GRID2IP: variants seen among roughly 807,000 people sequenced by gnomAD.
GRID2IP encodes delphilin.
Under a neutral mutation model 114.3 loss-of-function variants are expected in GRID2IP, and 78 were observed. The observed-to-expected ratio is 0.68, with a 90% CI of 0.57 to 0.82. GRID2IP has a LOEUF of 0.82. Among genes scored for constraint, GRID2IP ranks in the 40% least tolerant of loss-of-function variants. The probability of loss-of-function intolerance (pLI) is 0.00; values close to 1 mark genes in which losing one functional copy is unlikely to be tolerated. For synonymous variants in GRID2IP, 809 were observed against 724.0 expected (o/e 1.12, Z -1.89); for missense variants, 1,727 against 1,678.5 (o/e 1.03, Z -0.51).
rs895843041 is a variant in GRID2IP, at chr7:6,534,154, T to C, written c.584+5564A>G. 6.6e-6 allele frequency among the ~76,000 whole-genome samples: 1 copy of C among 152,108 alleles called. No individual in the cohort carries two copies. Among genetic ancestry groups the C allele is most frequent in the Non-Finnish European group, 1.5e-5 (1 of 68,026 alleles). On this transcript the variant is annotated intron_variant, in intron 2 of 21. Coordinates refer to ENST00000457091, the MANE Select transcript of GRID2IP (RefSeq NM_001145118.2). This position sits in a 1 kb window ranked among gnomAD's most constrained non-coding sequence, Gnocchi z 4.5. ...TACCAAGCCCGTTTTACAGACAAAC[T>C]GTAGATGTCAGTGAACCTGCCTGAG...
chr7:6,503,536 G>C lies in GRID2IP; in HGVS notation c.2862C>G (p.Arg954=). 1.3e-6 allele frequency: 2 copies of C among 1,526,962 alleles called. No individual in the cohort carries two copies. The highest frequency in any genetic ancestry group is 1.7e-6 in the Non-Finnish European group (2 of 1,143,536). 94.6% of individuals were successfully genotyped at this position (1,526,962 alleles called of 1,614,324 possible). Residue 954 remains arginine (R), a synonymous_variant, in exon 16 of 22, where the codon CGC becomes CGG. Transcript: ENST00000457091. The part of the protein sequence containing the change: ...ADEEQRYQAF[R]EAPGRLSEPD... Reference sequence around the variant, plus strand: ...GCTCGCTGAGGCGGCCGGGCGCCTCGCGGAAGGCCTGGTAGCGCTGCTCCT... The same window carrying C: ...GCTCGCTGAGGCGGCCGGGCGCCTCCCGGAAGGCCTGGTAGCGCTGCTCCT...
Position 6,545,483 on chromosome 7 carries a change from C to G in GRID2IP, c.429+5525G>C, listed in dbSNP as rs1277931993. Among the ~76,000 whole-genome samples the G allele has an allele frequency of 2.0e-5, 3 of 152,120 alleles. No homozygotes were observed. In the South Asian group the frequency reaches 6.2e-4, roughly 31 times the overall value. On this transcript the variant is annotated intron_variant, in intron 1 of 21. Coordinates refer to ENST00000457091, the MANE Select transcript of GRID2IP (RefSeq NM_001145118.2). ...TGACTCTCAGACCTCGATCTTCAGC[C>G]GAGAGCTCGCTCTTGAACTCTGGAA...
At position 6,522,147 on chromosome 7, in the gene GRID2IP, C is replaced by T. The variant is rs551744392; in HGVS notation, c.920-190G>A. Among the ~76,000 whole-genome samples the T allele has an allele frequency of 9.2e-5, 14 of 152,154 alleles. No homozygotes were observed. The South Asian group carries it at 1.9e-3, about 20-fold the overall frequency. ...GGAGGATCGCTTGAGCCCAGGAGTTCGAGACCAGCTTGGGCAACATAGCGA... is the reference window on the plus strand; with the variant it reads ...GGAGGATCGCTTGAGCCCAGGAGTTTGAGACCAGCTTGGGCAACATAGCGA... On this transcript the variant is annotated intron_variant, in intron 4 of 21. Coordinates refer to ENST00000457091, the MANE Select transcript of GRID2IP (RefSeq NM_001145118.2).
rs1184566635 is a variant in GRID2IP, at chr7:6,509,468, T to C, written c.1772-155A>G. On this transcript the variant is annotated intron_variant, in intron 11 of 21. Transcript: ENST00000457091. The surrounding 1 kb of genome is among the most constrained non-coding windows in gnomAD (Gnocchi z 4.9). ...AGTGCAGGAAGACCTTGAGCGGCCCTGCCTTCCAAGCATGACTAAAGGCCA... is the reference window on the plus strand; with the variant it reads ...AGTGCAGGAAGACCTTGAGCGGCCCCGCCTTCCAAGCATGACTAAAGGCCA... Among the ~76,000 whole-genome samples, 3 of 152,274 alleles carry C rather than the reference T, an allele frequency of 2.0e-5. No individual in the cohort carries two copies. In the East Asian group the frequency reaches 5.8e-4, roughly 29 times the overall value.
chr7:6,504,850 G>T lies in GRID2IP; in HGVS notation c.2653C>A (p.Pro885Thr), dbSNP rs1381624007. ...KPAKPVPGPE[P>T]FRKKEVVEIL... ...TCCACCACCTCCTTCTTCCGGAAGG[G>T]CTCCGGCCCCGGCACCGGTTCTGGA... Residue 885 changes from proline (P) to threonine (T), a missense_variant, in exon 15 of 22, where the codon CCC becomes ACC. Physicochemically the swap from Pro to Thr is conservative, Grantham distance 38. Coordinates refer to ENST00000457091, the MANE Select transcript of GRID2IP (RefSeq NM_001145118.2). The T allele has an allele frequency of 6.4e-7, 1 of 1,551,228 alleles. No individual in the cohort carries two copies. Among genetic ancestry groups the T allele is most frequent in the Non-Finnish European group, 8.7e-7 (1 of 1,146,828 alleles).
chr7:6,514,326 G>C (rs755431066), intron 8 of GRID2IP, 49 bp downstream of exon 8: 3 of 1,431,522 alleles, frequency 2.1e-6, no homozygotes, highest in East Asian at 2.6e-5. Context: ...TGGTGAGCTG[G>C]ACAGTCAGCA....
Position 6,497,842 on chromosome 7 carries a change from C to G in GRID2IP, c.3568G>C (p.Ala1190Pro). Reference sequence around the variant, plus strand: ...TCCCCGGCCTGCAGGTCACTCAGCGCTCGCTGGGGAGGGGGAACACAGAGG... The same window carrying G: ...TCCCCGGCCTGCAGGTCACTCAGCGGTCGCTGGGGAGGGGGAACACAGAGG... ...FAEFMSKFER[A>P]LSDLQAGEGL... Residue 1190 changes from alanine (A) to proline (P), a missense_variant, in exon 22 of 22, where the codon GCG (alanine) becomes CCG (proline). By Grantham distance (27) the Ala-to-Pro change is conservative. Transcript: ENST00000457091. 6.5e-7 allele frequency: 1 copy of G among 1,549,956 alleles called. No individual in the cohort carries two copies. Among genetic ancestry groups the G allele is most frequent in the East Asian group, 2.4e-5 (1 of 40,890 alleles).
chr7:6,544,877 C>T (rs111381494), intron 1 of GRID2IP, among the ~76,000 whole-genome samples: 19,086 of 151,508 alleles, frequency 0.13, 1,582 homozygotes, highest in Middle Eastern at 0.18. Context: ...GTCAGGAGAT[C>T]GAGACCATCC....
rs1442003753 is a variant in GRID2IP, at chr7:6,503,005, G to A, written c.3063+3C>T. ...GGGTGCCAGGAAGGGTACGCCCACT[G>A]ACCTCCAGGATCTTGGCGAGCTTCC... On this transcript the variant is annotated splice_donor_region_variant and intron_variant, in intron 17 of 21. Coordinates refer to ENST00000457091, the MANE Select transcript of GRID2IP (RefSeq NM_001145118.2). 2.6e-5 allele frequency: 40 copies of A among 1,551,346 alleles called. No homozygotes were observed. Among genetic ancestry groups the A allele is most frequent in the Non-Finnish European group, 3.5e-5 (40 of 1,146,952 alleles).
At chr7:6,524,960 C>T (rs774328402) in intron 4 of GRID2IP, among the ~76,000 whole-genome samples, 20 of 151,744 alleles carry the variant, frequency 1.3e-4, no homozygotes, top group Non-Finnish European at 2.4e-4. Flanking sequence ...CCTCGTGATC[C>T]ACCTGCCTTG....
rs1562527985 is a variant in GRID2IP, at chr7:6,551,268, CCG to C, written c.167_168del (p.Ala56GlyfsTer60). 6.5e-7 allele frequency: 1 copy of C among 1,537,974 alleles called. No homozygotes were observed. The highest frequency in any genetic ancestry group is 8.7e-7 in the Non-Finnish European group (1 of 1,146,168). On this transcript the variant is annotated frameshift_variant, in exon 1 of 22. Transcript: ENST00000457091. LOFTEE classifies it high-confidence loss of function. ...GDQILEVEGL[A>X]VGGLSRERLV... ...AGGCGCTCGCGGCTCAGACCGCCCA[CCG>C]CCAGCCCCTCCACCTCCAGGATCTG...
intron 8 of GRID2IP, among the ~76,000 whole-genome samples, chr7:6,512,262 ACT>A (rs1225060006): frequency 6.5e-4 from 32 of 48,914 alleles, no homozygotes; most frequent in African/African-American, 2.0e-3. Flanking sequence ...GACAGGTCTC[ACT>A]CTGTCCCCCA....
At position 6,528,792 on chromosome 7, in the gene GRID2IP, G is replaced by C. The variant is rs1380782713; in HGVS notation, c.585-2023C>G. On this transcript the variant is annotated intron_variant, in intron 2 of 21. Coordinates refer to ENST00000457091, the MANE Select transcript of GRID2IP (RefSeq NM_001145118.2). This position sits in a 1 kb window ranked among gnomAD's most constrained non-coding sequence, Gnocchi z 6.0. ...CGCAGTGAGCTCCGCTCCAGGTCTC[G>C]ATGGTCCGGGGGGTAACCAGGAACC... 6.6e-6 allele frequency among the ~76,000 whole-genome samples: 1 copy of C among 152,114 alleles called. No individual in the cohort carries two copies.
rs1225787253 is a variant in GRID2IP at position 6,528,587 on chromosome 7, G to GGGGAGAA, written c.585-1825_585-1819dup. The stretch of plus-strand genomic sequence containing the variant: ...GTGCCAGGGCCAAGGGCAAGATGAG[G>GGGGAGAA]GGGAGAAGGGAGAAGGGATCAGTGG... On this transcript the variant is annotated intron_variant, in intron 2 of 21. Transcript: ENST00000457091. This position sits in a 1 kb window ranked among gnomAD's most constrained non-coding sequence, Gnocchi z 6.0. Among the ~76,000 whole-genome samples the GGGGAGAA allele has an allele frequency of 6.6e-6, 1 of 152,218 alleles. No homozygotes were observed.
intron 8 of GRID2IP, among the ~76,000 whole-genome samples, chr7:6,514,013 G>A (rs1206520038): frequency 6.6e-6 from 1 of 151,922 alleles, no homozygotes; most frequent in Admixed American, 6.6e-5. Flanking sequence ...CAGTGCTTTG[G>A]GAGGCCGAGG....
intron 1 of GRID2IP, among the ~76,000 whole-genome samples, chr7:6,540,887 A>G (rs898031391): frequency 1.8e-4 from 27 of 151,650 alleles, no homozygotes; most frequent in Non-Finnish European, 2.9e-5. Context: ...TCTAGGCTGG[A>G]GTGCAGTGGT....
chr7:6,502,024 G>A lies in GRID2IP; in HGVS notation c.3245C>T (p.Ala1082Val), dbSNP rs1284863842. The A allele has an allele frequency of 6.4e-7, 1 of 1,551,350 alleles. No individual in the cohort carries two copies. Among genetic ancestry groups the A allele is most frequent in the Non-Finnish European group, 8.7e-7 (1 of 1,146,928 alleles). ...SQHFPELLGF[A>V]QDLPTVPLAA... ...CAGGGGCACGGTGGGCAGGTCCTGA[G>A]CAAAGCCCAGGAGTTCAGGGAAGTG... Residue 1082 changes from alanine to valine, a missense_variant, in exon 19 of 22, where the codon GCT becomes GTT. Coordinates refer to ENST00000457091, the MANE Select transcript of GRID2IP (RefSeq NM_001145118.2).
rs1388374845 is a variant in GRID2IP, at chr7:6,510,992, G to A, written c.1471C>T (p.Pro491Ser). The A allele has an allele frequency of 3.9e-6, 6 of 1,537,336 alleles. No homozygotes were observed. The highest frequency in any genetic ancestry group is 5.1e-5 in the East Asian group (2 of 39,032). ...GCCCGCAGGGAGCTCCGCGGCTGGG[G>A]CTCAGGCGTGGGCTCGGACTCCAGG... The part of the protein sequence containing the change: ...LDLESEPTPE[P>S]QPRSSLRASS... Residue 491 changes from proline to serine, a missense_variant, in exon 9 of 22, where the codon CCC (proline) becomes TCC (serine). Pro to Ser is a moderately conservative substitution (Grantham distance 74). Transcript: ENST00000457091.
chr7:6,530,045 G>A (rs913968284), intron 2 of GRID2IP, among the ~76,000 whole-genome samples: 4 of 149,032 alleles, frequency 2.7e-5, no homozygotes, highest in Non-Finnish European at 1.5e-5. Context: ...TGCAAGCTCC[G>A]CCTCCAGGAT....
Sources: gnomAD v4.1 joint callset for allele counts (sites outside exome capture counted in the v4.1 genomes callset) on GRCh38, gnomAD v4.1.1 for gene constraint, Gnocchi (gnomAD v3.1) non-coding constraint, MANE v1.5 for transcripts, NCBI Gene and HGNC (gene_info 2026-07-23, HGNC 2026-07-21) for gene names.